The following EYS variants were observed in gnomAD, a reference collection of about 807,000 sequenced individuals.
EYS encodes the protein EGF-like photoreceptor maintenance factor.
A neutral mutation model predicts 282.1 loss-of-function variants in EYS; 250 were observed. The ratio of observed to expected loss-of-function variants is 0.89; its 90% CI spans 0.80 to 0.98. The LOEUF (loss-of-function observed/expected upper bound fraction) is 0.98. EYS is among the 50% of genes least tolerant of loss of function. The pLI, the probability that EYS is intolerant of heterozygous loss-of-function variation, is 0.00. For synonymous variants in EYS, 1,355 were observed against 1,282.9 expected (o/e 1.06, Z -1.20); for missense variants, 4,016 against 3,709.0 (o/e 1.08, Z -2.15).
intron 35 of EYS, among the ~76,000 whole-genome samples, chr6:63,982,954 T>A (rs142235296): frequency 6.6e-6 from 1 of 151,976 alleles, no homozygotes; most frequent in East Asian, 1.9e-4. Context: ...TTTCACTTAA[T>A]TTGACAGAAT....
intron 33 of EYS, among the ~76,000 whole-genome samples, chr6:64,000,120 C>G (rs1210208712): frequency 7.3e-6 from 1 of 136,794 alleles, no homozygotes; most frequent in Non-Finnish European, 1.5e-5. Flanking sequence ...TTATTTCGAT[C>G]AGACCTTCTT....
chr6:65,451,790 C>T (rs1298669839), intron 5 of EYS, among the ~76,000 whole-genome samples: 1 of 151,664 alleles, frequency 6.6e-6, no homozygotes, highest in Non-Finnish European at 1.5e-5. Flanking sequence ...CTTTTTATTT[C>T]TTTTTATTAA....
chr6:64,923,086 T>C (rs1456607906), intron 15 of EYS, among the ~76,000 whole-genome samples: 1 of 152,016 alleles, frequency 6.6e-6, no homozygotes, highest in Non-Finnish European at 1.5e-5. Flanking sequence ...GCTTTGCTTC[T>C]GGGTATGTTT....
chr6:63,814,027 G>A (rs1186993189), intron 36 of EYS, among the ~76,000 whole-genome samples: 1 of 152,078 alleles, frequency 6.6e-6, no homozygotes, highest in African/African-American at 2.4e-5. Flanking sequence ...CTCTGTCTTT[G>A]TTCTTAACTT....
At chr6:64,390,595 A>C (rs1773089835) in intron 28 of EYS, among the ~76,000 whole-genome samples, 1 of 150,958 alleles carries the variant, frequency 6.6e-6, no homozygotes, top group Non-Finnish European at 1.5e-5. Flanking sequence ...AACAAACAGA[A>C]AGGACATCCA....
intron 26 of EYS, among the ~76,000 whole-genome samples, chr6:64,456,505 C>A (rs1348478815): frequency 1.3e-5 from 2 of 151,876 alleles, no homozygotes; most frequent in Non-Finnish European, 2.9e-5. Context: ...CTCCTTGAAT[C>A]TTTCAGTTTT....
chr6:64,790,471 T>A (rs1295920419), intron 22 of EYS, among the ~76,000 whole-genome samples: 1 of 151,912 alleles, frequency 6.6e-6, no homozygotes. Flanking sequence ...CAATTAGCAA[T>A]CACCCGATAA....
At chr6:65,455,951 C>CGGAA (rs951868070) in intron 5 of EYS, among the ~76,000 whole-genome samples, 36 of 126,750 alleles carry the variant, frequency 2.8e-4, no homozygotes, top group Admixed American at 1.3e-3. Context: ...GCAGGAAAGA[C>CGGAA]GGAAGGAAGG....
In EYS at chr6:64,877,694, C is replaced by T. The variant is rs574176672; in HGVS notation, c.2992+9003G>A. 6.3e-4 allele frequency among the ~76,000 whole-genome samples: 96 copies of T among 152,130 alleles called. 2 individuals carry two copies. The South Asian group carries it at 0.019, about 30-fold the overall frequency. On this transcript the variant is annotated intron_variant, in intron 19 of 42. Coordinates refer to ENST00000503581, the MANE Select transcript of EYS (RefSeq NM_001142800.2). The stretch of plus-strand genomic sequence containing the variant: ...TACCATTTTAATCTTGGGATTAAAG[C>T]ATGATTGGAAGTGGGATTGAAAGAG...
At chr6:65,627,855 C>T (rs1766770184) in intron 2 of EYS, among the ~76,000 whole-genome samples, 1 of 152,222 alleles carries the variant, frequency 6.6e-6, no homozygotes, top group African/African-American at 2.4e-5. Context: ...TGCGCCCGAG[C>T]CTCCCCAGCG....
intron 36 of EYS, among the ~76,000 whole-genome samples, chr6:63,826,322 G>A (rs1012483726): frequency 9.2e-5 from 14 of 152,162 alleles, no homozygotes; most frequent in Non-Finnish European, 1.9e-4. Context: ...TATTTGGGGG[G>A]ATAATTGAGG....
intron 35 of EYS, among the ~76,000 whole-genome samples, chr6:63,941,331 C>T (rs1224644550): frequency 2.0e-5 from 3 of 152,142 alleles, no homozygotes; most frequent in African/African-American, 7.2e-5. Flanking sequence ...TTCTCCACAT[C>T]CTCTCCAGCA....
intron 28 of EYS, among the ~76,000 whole-genome samples, chr6:64,435,075 A>G (rs9345094): frequency 0.24 from 36,445 of 151,966 alleles, 4,943 homozygotes; most frequent in East Asian, 0.39. Context: ...TACTGCCCCC[A>G]GCATTTGTTA....
chr6:64,535,430 G>A (rs912737258), intron 26 of EYS, among the ~76,000 whole-genome samples: 2 of 152,056 alleles, frequency 1.3e-5, no homozygotes, highest in African/African-American at 4.8e-5. Context: ...AAATTACCTT[G>A]GGTCTACAAT....
At chr6:64,270,991 T>C (rs545256961) in intron 30 of EYS, among the ~76,000 whole-genome samples, 69 of 152,338 alleles carry the variant, frequency 4.5e-4, no homozygotes, top group Non-Finnish European at 7.4e-4. Flanking sequence ...CATGTTGATA[T>C]GTTTATCTCT....
chr6:65,228,711 G>A (rs1285614193), intron 12 of EYS, among the ~76,000 whole-genome samples: 2 of 151,856 alleles, frequency 1.3e-5, no homozygotes, highest in Admixed American at 6.6e-5. Context: ...AAAATGCTAC[G>A]AAAAAAATAG....
intron 14 of EYS, among the ~76,000 whole-genome samples, chr6:64,950,804 T>TAC (rs1769468886): frequency 1.2e-5 from 1 of 84,214 alleles, no homozygotes; most frequent in African/African-American, 4.8e-5. Context: ...TATACATATA[T>TAC]ATATATATAT....
rs554712611 is a variant in EYS at position 65,617,338 on chromosome 6, T to C, written c.-333+22440A>G. Among the ~76,000 whole-genome samples, 26 of 152,194 alleles carry C rather than the reference T, an allele frequency of 1.7e-4. 1 individual carries two copies. The highest frequency in any genetic ancestry group is 5.8e-4 in the African/African-American group (24 of 41,572). On this transcript the variant is annotated intron_variant, in intron 2 of 42. Coordinates refer to ENST00000503581, the MANE Select transcript of EYS (RefSeq NM_001142800.2). ...TCTAGTTTACTAGTGACAGTCAGAATGCAAATTAATAGAGAAAAAGAAACT... is the reference window on the plus strand; with the variant it reads ...TCTAGTTTACTAGTGACAGTCAGAACGCAAATTAATAGAGAAAAAGAAACT...
At chr6:64,574,609 C>T (rs1344559382) in intron 26 of EYS, among the ~76,000 whole-genome samples, 5 of 151,940 alleles carry the variant, frequency 3.3e-5, no homozygotes, top group African/African-American at 9.7e-5. Context: ...AGAAAAACCT[C>T]GAGGGAGAAG....
Sources: gnomAD v4.1 joint callset for allele counts (sites outside exome capture counted in the v4.1 genomes callset) on GRCh38, gnomAD v4.1.1 for gene constraint, MANE v1.5 for transcripts, NCBI Gene and HGNC (gene_info 2026-07-23, HGNC 2026-07-21) for gene names.